The following ITFG1 variants were observed in gnomAD, a reference collection of about 807,000 sequenced individuals.
The protein encoded by ITFG1 is T-cell immunomodulatory protein.
Under a neutral mutation model 81.8 loss-of-function variants are expected in ITFG1, and 34 were observed. That is an observed-to-expected ratio of 0.42 (90% confidence interval 0.32 to 0.55). The LOEUF (loss-of-function observed/expected upper bound fraction) is 0.55. Among genes scored for constraint, ITFG1 ranks in the 20% least tolerant of loss-of-function variants. ITFG1 has a pLI of 0.17. For synonymous variants in ITFG1, 285 were observed against 270.6 expected, an observed-to-expected ratio of 1.05 and a Z score of -0.52; for missense variants, 672 against 755.4, an observed-to-expected ratio of 0.89 and a Z score of 1.29.
At chr16:47,175,785 T>C (rs926276773) in intron 14 of ITFG1, among the ~76,000 whole-genome samples, 1 of 152,232 alleles carries the variant, frequency 6.6e-6, no homozygotes, top group Non-Finnish European at 1.5e-5. Context: ...TCTTGCTATG[T>C]GGCTCAGGTA....
chr16:47,405,931 A>G (rs139415873), intron 6 of ITFG1, among the ~76,000 whole-genome samples: 170 of 152,340 alleles, frequency 1.1e-3, no homozygotes, highest in Middle Eastern at 3.4e-3. Context: ...TATAGCTACA[A>G]CAGAATATTT....
At chr16:47,292,555 T>A (rs1383097332) in intron 10 of ITFG1, among the ~76,000 whole-genome samples, 1 of 151,972 alleles carries the variant, frequency 6.6e-6, no homozygotes, top group East Asian at 1.9e-4. Flanking sequence ...ACAAGTGCAG[T>A]TTTTTTTATG....
chr16:47,439,702 GAAC>G (rs1219355352), intron 5 of ITFG1, among the ~76,000 whole-genome samples: 1 of 152,134 alleles, frequency 6.6e-6, no homozygotes, highest in Non-Finnish European at 1.5e-5. Flanking sequence ...ACATGGAAAG[GAAC>G]AACCGGTATC....
At chr16:47,396,524 T>TG (rs1555514103) in intron 6 of ITFG1, among the ~76,000 whole-genome samples, 3 of 149,104 alleles carry the variant, frequency 2.0e-5, no homozygotes, top group African/African-American at 7.5e-5. Context: ...AATAATTATT[T>TG]TGTGTGTGTG....
intron 10 of ITFG1, among the ~76,000 whole-genome samples, chr16:47,304,131 A>T (rs987952488): frequency 2.6e-5 from 4 of 152,236 alleles, no homozygotes; most frequent in Non-Finnish European, 5.9e-5. Context: ...TGAAATAGCC[A>T]TCAGTTCTTT....
chr16:47,460,742 G>A, intron 1 of ITFG1, 96 bp downstream of exon 1: 1 of 1,326,864 alleles, frequency 7.5e-7, no homozygotes, highest in Non-Finnish European at 1.1e-6. Context: ...GAAGGACCAG[G>A]AAATGCAGAA....
chr16:47,224,714 C>A (rs1033377633), intron 13 of ITFG1, among the ~76,000 whole-genome samples: 7 of 151,880 alleles, frequency 4.6e-5, no homozygotes, highest in African/African-American at 9.7e-5. Context: ...GAAAAAAAAA[C>A]CAGTCAAAAT....
intron 8 of ITFG1, among the ~76,000 whole-genome samples, chr16:47,362,004 C>T (rs1437014037): frequency 1.3e-5 from 2 of 152,094 alleles, no homozygotes; most frequent in South Asian, 4.1e-4. Flanking sequence ...CTTTACAGCA[C>T]GATTAATGTG....
intron 6 of ITFG1, among the ~76,000 whole-genome samples, chr16:47,404,239 C>A (rs1968700008): frequency 6.6e-6 from 1 of 151,990 alleles, no homozygotes; most frequent in Non-Finnish European, 1.5e-5. Flanking sequence ...TTACTGGGAG[C>A]CTTTCCAATC....
At chr16:47,222,908 T>A (rs1453497639) in intron 13 of ITFG1, among the ~76,000 whole-genome samples, 2 of 152,228 alleles carry the variant, frequency 1.3e-5, no homozygotes, top group African/African-American at 4.8e-5. Context: ...GTTCTGTAGA[T>A]GTCTATTTAG....
chr16:47,427,280 A>C (rs1969035049), intron 6 of ITFG1, among the ~76,000 whole-genome samples: 1 of 152,156 alleles, frequency 6.6e-6, no homozygotes, highest in Non-Finnish European at 1.5e-5. Flanking sequence ...GAGAACTTAA[A>C]CTGTATCACC....
At chr16:47,165,185 C>G (rs1964874067) in intron 14 of ITFG1, among the ~76,000 whole-genome samples, 1 of 152,056 alleles carries the variant, frequency 6.6e-6, no homozygotes, top group African/African-American at 2.4e-5. Context: ...TTTCTACATG[C>G]TTAAACTTAA....
chr16:47,350,863 A>T (rs1227231045), intron 8 of ITFG1, among the ~76,000 whole-genome samples: 1 of 152,174 alleles, frequency 6.6e-6, no homozygotes, highest in African/African-American at 2.4e-5. Flanking sequence ...AAGCTTATCC[A>T]CCATGATCAA....
At chr16:47,430,434 C>A (rs1239423717) in intron 5 of ITFG1, among the ~76,000 whole-genome samples, 1 of 151,958 alleles carries the variant, frequency 6.6e-6, no homozygotes, top group Admixed American at 6.6e-5. Flanking sequence ...TTTTTCATTT[C>A]TTTTTTGTTC....
rs183123073 is a variant in ITFG1 at position 47,376,837 on chromosome 16, T to C, written c.656-897A>G. Reference sequence around the variant, plus strand: ...TACAAAAATTAGCTGGGTGTGATGGTGCGCACCTGTAGTCCCAGCCACTTG... The same window carrying C: ...TACAAAAATTAGCTGGGTGTGATGGCGCGCACCTGTAGTCCCAGCCACTTG... On this transcript the variant is annotated intron_variant, in intron 6 of 17. Coordinates refer to ENST00000320640, the MANE Select transcript of ITFG1 (RefSeq NM_030790.5). 1.4e-4 allele frequency among the ~76,000 whole-genome samples: 21 copies of C among 151,846 alleles called. No individual in the cohort carries two copies. In the East Asian group the frequency reaches 3.9e-3, roughly 28 times the overall value.
intron 1 of ITFG1, 65 bp downstream of exon 1, chr16:47,460,773 G>C (rs1180435159): frequency 4.5e-6 from 7 of 1,553,696 alleles, no homozygotes; most frequent in Non-Finnish European, 5.3e-6. Flanking sequence ...TTGGGCAATG[G>C]GTTTGGGGAA....
intron 5 of ITFG1, among the ~76,000 whole-genome samples, chr16:47,442,344 T>C (rs2151615110): frequency 6.6e-6 from 1 of 152,190 alleles, no homozygotes; most frequent in East Asian, 1.9e-4. Flanking sequence ...AAAGTTCATA[T>C]GGAACCAAAA....
intron 11 of ITFG1, among the ~76,000 whole-genome samples, chr16:47,260,070 C>A (rs1966190304): frequency 6.6e-6 from 1 of 152,090 alleles, no homozygotes; most frequent in Middle Eastern, 3.4e-3. Context: ...TCCCCAGCAG[C>A]TGGGACTACA....
At chr16:47,228,136 G>A (rs999701731) in intron 13 of ITFG1, among the ~76,000 whole-genome samples, 8 of 152,194 alleles carry the variant, frequency 5.3e-5, no homozygotes, top group East Asian at 1.9e-4. Context: ...CCATATCATC[G>A]TTTTTCTATC....
Sources: allele counts gnomAD v4.1 joint callset (sites outside exome capture counted in the v4.1 genomes callset), GRCh38; gene constraint gnomAD v4.1.1; transcripts MANE v1.5; gene names NCBI Gene and HGNC (gene_info 2026-07-23, HGNC 2026-07-21).